Variants in DIAPH3 observed in about 807,000 individuals in gnomAD.
DIAPH3 encodes diaphanous related formin 3, also known as protein diaphanous homolog 3.
DIAPH3 carries 117 observed loss-of-function variants against 144.3 expected under a neutral mutation model. The observed-to-expected ratio is 0.81, with a 90% CI of 0.70 to 0.95. The LOEUF (loss-of-function observed/expected upper bound fraction) is 0.95. DIAPH3 is among the 40% of genes least tolerant of loss of function. The pLI is 0.00. For synonymous variants in DIAPH3, 519 were observed against 488.9 expected, an observed-to-expected ratio of 1.06 and a Z score of -0.81; for missense variants, 1,421 against 1,412.7, an observed-to-expected ratio of 1.01 and a Z score of -0.09.
chr13:60,079,047 C>T (rs903799560), intron 4 of DIAPH3, among the ~76,000 whole-genome samples: 6 of 151,772 alleles, frequency 4.0e-5, no homozygotes, highest in East Asian at 1.9e-4. Flanking sequence ...CTCAGATGCA[C>T]GAGCCAATAT....
intron 27 of DIAPH3, among the ~76,000 whole-genome samples, chr13:59,674,171 G>T (rs2032523218): frequency 6.6e-6 from 1 of 152,156 alleles, no homozygotes; most frequent in African/African-American, 2.4e-5. Context: ...TTGTGACTTT[G>T]AACATTATTA....
intron 27 of DIAPH3, among the ~76,000 whole-genome samples, chr13:59,754,368 C>A: frequency 6.6e-6 from 1 of 151,742 alleles, no homozygotes; most frequent in East Asian, 1.9e-4. Context: ...CACTCAACAG[C>A]GTCTGACACG....
At chr13:60,020,262 T>C (rs1594367095) in intron 5 of DIAPH3, among the ~76,000 whole-genome samples, 1 of 151,904 alleles carries the variant, frequency 6.6e-6, no homozygotes, top group Admixed American at 6.5e-5. Context: ...TATGCAGAAA[T>C]AAACACAAAG....
intron 9 of DIAPH3, among the ~76,000 whole-genome samples, chr13:60,007,202 C>T (rs950774356): frequency 6.6e-6 from 1 of 151,996 alleles, no homozygotes; most frequent in Non-Finnish European, 1.5e-5. Context: ...CAGGCACCTG[C>T]CATCATGCCC....
At chr13:59,988,780 C>T (rs925019744) in intron 12 of DIAPH3, among the ~76,000 whole-genome samples, 4 of 151,758 alleles carry the variant, frequency 2.6e-5, no homozygotes, top group African/African-American at 9.7e-5. Flanking sequence ...AATTATCTCC[C>T]ATGCGCATTT....
intron 25 of DIAPH3, among the ~76,000 whole-genome samples, chr13:59,778,738 A>G (rs150269356): frequency 2.0e-4 from 31 of 152,304 alleles, no homozygotes; most frequent in African/African-American, 6.7e-4. Context: ...ACAGAACTGA[A>G]TTATTTTTTA....
intron 27 of DIAPH3, among the ~76,000 whole-genome samples, chr13:59,741,048 C>T (rs1029945109): frequency 2.6e-5 from 4 of 152,194 alleles, no homozygotes; most frequent in African/African-American, 9.6e-5. Context: ...TTCTGCCTCA[C>T]TCTAGCTGTT....
At chr13:59,991,749 C>T (rs996234977) in intron 11 of DIAPH3, among the ~76,000 whole-genome samples, 1 of 151,874 alleles carries the variant, frequency 6.6e-6, no homozygotes, top group Non-Finnish European at 1.5e-5. Context: ...CAGCCAGTGA[C>T]TAAGGCTGCC....
chr13:60,084,483 A>AAAAAGAACT (rs1441189508), intron 4 of DIAPH3, among the ~76,000 whole-genome samples: 2 of 152,076 alleles, frequency 1.3e-5, no homozygotes, highest in African/African-American at 4.8e-5. Context: ...TAAAAATAAA[A>AAAAAGAACT]AAAAGAACTA....
rs1952424437 is a variant in DIAPH3, at chr13:60,163,886, G to A, written c.-120C>T. The A allele has an allele frequency of 2.3e-6, 3 of 1,289,508 alleles. No individual in the cohort carries two copies. The highest frequency in any genetic ancestry group is 2.5e-5 in the Admixed American group (1 of 40,218). The allele number at this position is 1,289,508 out of a possible 1,614,324, so 79.9% of individuals were successfully genotyped here. On this transcript the variant is annotated 5_prime_UTR_variant, in exon 1 of 28. Transcript: ENST00000400324. ...GTCCGCCACCCAAACAGTCAGCACA[G>A]CCTAGCCCAACCGCTGAAGTCGGGG...
At chr13:59,952,330 T>C (rs554353540) in intron 17 of DIAPH3, among the ~76,000 whole-genome samples, 3 of 152,248 alleles carry the variant, frequency 2.0e-5, no homozygotes, top group South Asian at 4.1e-4. Context: ...ATAGAGGCCG[T>C]ACTAAAAGCC....
At chr13:60,039,089 G>A (rs574906335) in intron 5 of DIAPH3, among the ~76,000 whole-genome samples, 1 of 151,796 alleles carries the variant, frequency 6.6e-6, no homozygotes, top group Non-Finnish European at 1.5e-5. Context: ...GAAGATGTTT[G>A]TGATCTCTAC....
chr13:60,087,855 G>A (rs2057800165), intron 4 of DIAPH3, among the ~76,000 whole-genome samples: 1 of 151,936 alleles, frequency 6.6e-6, no homozygotes, highest in South Asian at 2.1e-4. Context: ...AATGTGGGAT[G>A]GGCTATCCTT....
chr13:59,884,197 G>A (rs2045284213), intron 20 of DIAPH3, among the ~76,000 whole-genome samples: 1 of 152,128 alleles, frequency 6.6e-6, no homozygotes, highest in South Asian at 2.1e-4. Context: ...TAGGTTGCAT[G>A]CTCCTTATGA....
At chr13:59,834,193 T>C (rs2041923891) in intron 23 of DIAPH3, among the ~76,000 whole-genome samples, 1 of 151,736 alleles carries the variant, frequency 6.6e-6, no homozygotes, top group Non-Finnish European at 1.5e-5. Context: ...AATGAAATTT[T>C]TTTTCTTGTG....
intron 9 of DIAPH3, among the ~76,000 whole-genome samples, chr13:60,001,006 T>C (rs2052495677): frequency 6.6e-6 from 1 of 152,156 alleles, no homozygotes; most frequent in African/African-American, 2.4e-5. Context: ...AAGACAATTC[T>C]CCCTGGGTCT....
intron 1 of DIAPH3, among the ~76,000 whole-genome samples, chr13:60,141,186 C>A (rs1026460786): frequency 6.6e-6 from 1 of 152,068 alleles, no homozygotes; most frequent in Non-Finnish European, 1.5e-5. Context: ...TAAATGATAT[C>A]ATGCCATCTT....
At chr13:59,686,416 A>T (rs1420077485) in intron 27 of DIAPH3, among the ~76,000 whole-genome samples, 1 of 151,994 alleles carries the variant, frequency 6.6e-6, no homozygotes, top group Non-Finnish European at 1.5e-5. Context: ...TGTTCTACTC[A>T]AAAGAGGAAA....
chr13:59,970,420 G>A (rs2140567692), intron 16 of DIAPH3, among the ~76,000 whole-genome samples: 1 of 152,194 alleles, frequency 6.6e-6, no homozygotes, highest in Middle Eastern at 3.4e-3. Context: ...TTTTTCTGCA[G>A]GATTCTGAAT....
Sources: allele counts gnomAD v4.1 joint callset (sites outside exome capture counted in the v4.1 genomes callset), GRCh38; gene constraint gnomAD v4.1.1; transcripts MANE v1.5; gene names NCBI Gene and HGNC (gene_info 2026-07-23, HGNC 2026-07-21).